Variants in ZBTB20 observed in about 807,000 individuals in gnomAD.
ZBTB20 encodes the protein zinc finger and BTB domain-containing protein 20.
Under a neutral mutation model 56.9 loss-of-function variants are expected in ZBTB20, and 9 were observed. The observed-to-expected ratio is 0.16, with a 90% confidence interval of 0.10 to 0.28. The LOEUF is 0.28. ZBTB20 is among the 10% of genes least tolerant of loss of function. ZBTB20 has a pLI of 1.00. For synonymous variants in ZBTB20, 417 were observed against 420.7 expected (o/e 0.99, Z 0.11); for missense variants, 655 against 1,003.0 (o/e 0.65, Z 4.69).
chr3:114,804,756 T>C (rs1319229618), intron 4 of ZBTB20, among the ~76,000 whole-genome samples: 1 of 151,900 alleles, frequency 6.6e-6, no homozygotes, highest in Non-Finnish European at 1.5e-5. Context: ...CTACTTTTTC[T>C]TCCACCAGAG....
At chr3:115,107,706 T>C (rs949501189) in intron 1 of ZBTB20, among the ~76,000 whole-genome samples, 1 of 152,222 alleles carries the variant, frequency 6.6e-6, no homozygotes, top group Non-Finnish European at 1.5e-5. Context: ...ATGTTTACTG[T>C]AGCACTATTT....
chr3:114,380,245 G>A lies in ZBTB20; in HGVS notation c.171C>T (p.Asn57=), dbSNP rs1175968593. The A allele has an allele frequency of 3.5e-5, 54 of 1,536,916 alleles. No individual in the cohort carries two copies. The highest frequency in any genetic ancestry group is 4.7e-5 in the Non-Finnish European group (54 of 1,146,810). Residue 57 remains asparagine (N), a synonymous_variant, in exon 10 of 12, where the codon AAC becomes AAT. Transcript: ENST00000675478. Reference sequence around the variant, plus strand: ...CAGATGACCCGGTGTGAGCGTGAGAGTTTGTCAGTGAATGTGTTGAGTGGA... The same window carrying A: ...CAGATGACCCGGTGTGAGCGTGAGAATTTGTCAGTGAATGTGTTGAGTGGA... ...ALIHSTHSLT[N]SHAHTGSSDC...
chr3:114,698,870 G>A (rs74637867), intron 5 of ZBTB20, among the ~76,000 whole-genome samples: 3 of 152,200 alleles, frequency 2.0e-5, no homozygotes, highest in Non-Finnish European at 4.4e-5. Flanking sequence ...CCTAGCACTT[G>A]CCATGGTGCT....
chr3:114,652,735 T>C (rs1369084228), intron 6 of ZBTB20, among the ~76,000 whole-genome samples: 1 of 152,020 alleles, frequency 6.6e-6, no homozygotes, highest in Non-Finnish European at 1.5e-5. Context: ...GATGTTGATA[T>C]TTTGATGGTG....
chr3:115,051,726 T>G (rs1229989113), intron 2 of ZBTB20, among the ~76,000 whole-genome samples: 1 of 152,204 alleles, frequency 6.6e-6, no homozygotes, highest in Non-Finnish European at 1.5e-5. Context: ...TTTAGAATTA[T>G]ATTTTCTGTC....
intron 1 of ZBTB20, among the ~76,000 whole-genome samples, chr3:115,101,950 C>T (rs1050298783): frequency 1.3e-4 from 20 of 152,084 alleles, no homozygotes; most frequent in African/African-American, 3.6e-4. Flanking sequence ...ATAGATCAAC[C>T]GATTCTTCAC....
intron 5 of ZBTB20, among the ~76,000 whole-genome samples, chr3:114,710,014 T>C (rs930386930): frequency 1.3e-5 from 2 of 152,182 alleles, no homozygotes; most frequent in African/African-American, 4.8e-5. Context: ...TGAATTCACA[T>C]TGATTTTTCC....
chr3:115,049,838 A>G (rs971547522), intron 2 of ZBTB20, among the ~76,000 whole-genome samples: 1 of 152,160 alleles, frequency 6.6e-6, no homozygotes, highest in Admixed American at 6.5e-5. Context: ...CTGGTTTGTC[A>G]TGGCTTTAGA....
At chr3:114,792,845 T>C (rs774143364) in intron 5 of ZBTB20, among the ~76,000 whole-genome samples, 3 of 151,596 alleles carry the variant, frequency 2.0e-5, no homozygotes, top group Admixed American at 6.6e-5. Context: ...ATAAGTATGT[T>C]TGAATTTTCA....
At chr3:114,715,588 C>T (rs1420231539) in intron 5 of ZBTB20, among the ~76,000 whole-genome samples, 1 of 152,170 alleles carries the variant, frequency 6.6e-6, no homozygotes, top group Non-Finnish European at 1.5e-5. Context: ...AGACCTGTCC[C>T]CAACAGGTGA....
intron 5 of ZBTB20, among the ~76,000 whole-genome samples, chr3:114,715,748 C>T (rs545214769): frequency 4.7e-4 from 72 of 152,256 alleles, no homozygotes; most frequent in Middle Eastern, 3.4e-3. Context: ...TGGACACTAC[C>T]CCACAACATG....
At position 114,941,004 on chromosome 3, in the gene ZBTB20, T is replaced by C. The variant is rs112094643; in HGVS notation, c.-456+33362A>G. 3.1e-3 allele frequency among the ~76,000 whole-genome samples: 459 copies of C among 146,394 alleles called. 96 individuals are homozygous for C. The highest frequency in any genetic ancestry group is 0.012 in the African/African-American group (425 of 36,140). On this transcript the variant is annotated intron_variant, in intron 3 of 11. Coordinates refer to ENST00000675478, the MANE Select transcript of ZBTB20 (RefSeq NM_001348800.3). ...ATCTCCTAAAATCCACAGAGCGAAT[T>C]TGGTGTCATTTTTAAAAAGAAATAA...
chr3:114,824,872 A>G (rs756920562), intron 4 of ZBTB20, among the ~76,000 whole-genome samples: 73 of 151,954 alleles, frequency 4.8e-4, no homozygotes, highest in Non-Finnish European at 5.9e-4. Flanking sequence ...AATGCAAAAT[A>G]TTTTGCAGAA....
chr3:114,637,996 C>G (rs149219777), intron 6 of ZBTB20, among the ~76,000 whole-genome samples: 1 of 152,184 alleles, frequency 6.6e-6, no homozygotes, highest in East Asian at 1.9e-4. Context: ...TTCCCTCATT[C>G]TTCCTAGCCG....
At chr3:114,375,209 T>G (rs1026899658) in intron 10 of ZBTB20, among the ~76,000 whole-genome samples, 9 of 152,176 alleles carry the variant, frequency 5.9e-5, no homozygotes, top group Non-Finnish European at 1.0e-4. Flanking sequence ...TATACATCCT[T>G]TCAGTAAAGT....
chr3:114,648,868 C>A (rs1157578768), intron 6 of ZBTB20, among the ~76,000 whole-genome samples: 1 of 151,946 alleles, frequency 6.6e-6, no homozygotes, highest in Non-Finnish European at 1.5e-5. Context: ...GAAACTAAGG[C>A]AAATATTATT....
intron 3 of ZBTB20, among the ~76,000 whole-genome samples, chr3:114,937,819 C>T (rs1159758568): frequency 5.3e-5 from 8 of 151,922 alleles, no homozygotes; most frequent in East Asian, 1.9e-4. Context: ...AGTTCCTGGC[C>T]GGGCACGGTG....
chr3:114,671,008 G>A (rs1296898534), intron 6 of ZBTB20, among the ~76,000 whole-genome samples: 2 of 152,136 alleles, frequency 1.3e-5, no homozygotes, highest in Non-Finnish European at 2.9e-5. Flanking sequence ...TACATGCAGA[G>A]ATGTCTGCTC....
intron 3 of ZBTB20, among the ~76,000 whole-genome samples, chr3:114,953,647 G>C (rs1338014476): frequency 6.6e-6 from 1 of 151,934 alleles, no homozygotes; most frequent in Non-Finnish European, 1.5e-5. Flanking sequence ...GAGTTAATTA[G>C]CCAGTAATAT....
Sources: allele counts gnomAD v4.1 joint callset (sites outside exome capture counted in the v4.1 genomes callset), GRCh38; gene constraint gnomAD v4.1.1; transcripts MANE v1.5; gene names NCBI Gene and HGNC (gene_info 2026-07-23, HGNC 2026-07-21).